Variants in ZNF292 observed in about 807,000 individuals in gnomAD.
The protein encoded by ZNF292 is 16 zinc-finger domain protein.
Under a neutral mutation model 217.9 loss-of-function variants are expected in ZNF292, and 26 were observed. The ratio of observed to expected loss-of-function variants is 0.12; its 90% CI spans 0.09 to 0.17. The LOEUF is 0.17. ZNF292 is among the 10% of genes least tolerant of loss of function. The pLI is 1.00. For synonymous variants in ZNF292, 1,257 were observed against 1,124.1 expected (o/e 1.12, Z -2.37); for missense variants, 2,904 against 3,175.2 (o/e 0.91, Z 2.05).
At chr6:87,223,806 T>C (rs935830646) in intron 4 of ZNF292, 1 of 152,240 alleles carries the variant, frequency 6.6e-6, no homozygotes, top group African/African-American at 2.4e-5. Context: ...CACTGTAATA[T>C]GCTCCAGGCT....
intron 1 of ZNF292, among the ~76,000 whole-genome samples, chr6:87,204,594 G>A (rs535072123): frequency 1.8e-4 from 18 of 101,216 alleles, no homozygotes; most frequent in African/African-American, 5.1e-4. Context: ...ACTAAGTCTC[G>A]CTCTTATCGC....
chr6:87,199,905 A>G (rs1188880275), intron 1 of ZNF292, among the ~76,000 whole-genome samples: 2 of 152,214 alleles, frequency 1.3e-5, no homozygotes, highest in African/African-American at 2.4e-5. Flanking sequence ...GTTTCCTACC[A>G]TTGTATTTCA....
At chr6:87,204,028 GACCATT>G (rs1182028166) in intron 1 of ZNF292, among the ~76,000 whole-genome samples, 6 of 152,122 alleles carry the variant, frequency 3.9e-5, no homozygotes, top group Non-Finnish European at 7.4e-5. Context: ...GAGAAGAAAT[GACCATT>G]ACTTCTGTGC....
intron 1 of ZNF292, among the ~76,000 whole-genome samples, chr6:87,161,952 A>C (rs542536606): frequency 4.6e-4 from 70 of 152,218 alleles, no homozygotes; most frequent in African/African-American, 1.7e-3. Flanking sequence ...CCCTCCCCCC[A>C]AAAGCATCTT....
intron 1 of ZNF292, among the ~76,000 whole-genome samples, chr6:87,211,065 A>G (rs1386549082): frequency 6.6e-6 from 1 of 152,180 alleles, no homozygotes; most frequent in African/African-American, 2.4e-5. Context: ...ACACACATAT[A>G]CTCACTAGTG....
intron 1 of ZNF292, among the ~76,000 whole-genome samples, chr6:87,156,200 T>C (rs564286697): frequency 1.1e-3 from 164 of 152,342 alleles, no homozygotes; most frequent in Non-Finnish European, 1.4e-3. Flanking sequence ...TTTGATTCCT[T>C]TGCCTTCCCC....
At chr6:87,250,109 C>T (rs1197196042) in intron 7 of ZNF292, among the ~76,000 whole-genome samples, 2 of 151,662 alleles carry the variant, frequency 1.3e-5, no homozygotes, top group East Asian at 1.9e-4. Flanking sequence ...ACAGTTGGCC[C>T]TCCATATTCA....
intron 1 of ZNF292, among the ~76,000 whole-genome samples, chr6:87,213,528 G>T (rs961640188): frequency 2.0e-5 from 3 of 152,106 alleles, no homozygotes; most frequent in Admixed American, 6.5e-5. Context: ...AAGAGCAGGG[G>T]GTATGAGCCA....
In ZNF292 at chr6:87,261,801, ATAAT is replaced by A. The variant is rs770233702; in HGVS notation, c.*5_*8del. On this transcript the variant is annotated 3_prime_UTR_variant, in exon 8 of 8. Transcript: ENST00000369577. ...AAGCCACAGGCAGAGGTCAGTACTG[ATAAT>A]TAATGTAGTATAAATACATCATTTA... is the stretch of plus-strand genomic sequence containing the variant. 4.9e-5 allele frequency: 77 copies of A among 1,582,504 alleles called. No individual in the cohort carries two copies. The highest frequency in any genetic ancestry group is 6.5e-5 in the Non-Finnish European group (75 of 1,161,354).
intron 4 of ZNF292, chr6:87,223,580 T>C (rs925768711): frequency 1.3e-5 from 2 of 152,248 alleles, no homozygotes; most frequent in African/African-American, 4.8e-5. Context: ...TATCTGGAAT[T>C]CTACACAGGA....
intron 4 of ZNF292, among the ~76,000 whole-genome samples, chr6:87,228,568 C>A (rs1208128569): frequency 6.6e-6 from 1 of 152,108 alleles, no homozygotes; most frequent in Non-Finnish European, 1.5e-5. Context: ...TTGGATTTTT[C>A]ATCTAAGTCT....
intron 7 of ZNF292, among the ~76,000 whole-genome samples, chr6:87,249,925 G>T (rs1774816688): frequency 6.6e-6 from 1 of 151,048 alleles, no homozygotes; most frequent in African/African-American, 2.4e-5. Flanking sequence ...TGCCAGGCTG[G>T]TCTCGAACTC....
chr6:87,250,364 A>T (rs1177414806), intron 7 of ZNF292, among the ~76,000 whole-genome samples: 1 of 152,002 alleles, frequency 6.6e-6, no homozygotes, highest in Non-Finnish European at 1.5e-5. Flanking sequence ...GGGAGGCAGA[A>T]ATTGCAGTGA....
rs562899352 is a variant in ZNF292 at position 87,212,671 on chromosome 6, A to T, written c.169-3232A>T. Among the ~76,000 whole-genome samples the T allele has an allele frequency of 1.5e-4, 23 of 152,322 alleles. No homozygotes were observed. The South Asian group carries it at 4.6e-3, about 30-fold the overall frequency. ...GTCATGAATCTTAACATCCCTTTTG[A>T]TTGAATGGTTGCATCATTGAATTCC... On this transcript the variant is annotated intron_variant, in intron 1 of 7. Coordinates refer to ENST00000369577, the MANE Select transcript of ZNF292 (RefSeq NM_015021.3).
chr6:87,165,182 A>G (rs1016309585), intron 1 of ZNF292, among the ~76,000 whole-genome samples: 13 of 152,134 alleles, frequency 8.5e-5, no homozygotes, highest in Non-Finnish European at 1.2e-4. Context: ...TCTTGTCCCA[A>G]TGAACTCGCT....
At chr6:87,188,975 C>T (rs1771744591) in intron 1 of ZNF292, among the ~76,000 whole-genome samples, 1 of 151,948 alleles carries the variant, frequency 6.6e-6, no homozygotes, top group Non-Finnish European at 1.5e-5. Context: ...GAGGCCGAGG[C>T]GGGCCGATCA....
At position 87,263,079 on chromosome 6, in the gene ZNF292, CAGTATT is replaced by C. The variant is rs1775684499; in HGVS notation, c.*1282_*1287del. On this transcript the variant is annotated 3_prime_UTR_variant, in exon 8 of 8. Coordinates refer to ENST00000369577, the MANE Select transcript of ZNF292 (RefSeq NM_015021.3). ...TTTTCATTAGATTGGTCTTCAAGAA[CAGTATT>C]AGTTATAATTATTTTGGTTATTCAG... The C allele has an allele frequency of 6.6e-6, 1 of 151,912 alleles. No individual in the cohort carries two copies. The highest frequency in any genetic ancestry group is 2.4e-5 in the African/African-American group (1 of 41,414). 9.4% of individuals were successfully genotyped at this position (151,912 alleles called of 1,614,324 possible).
intron 1 of ZNF292, among the ~76,000 whole-genome samples, chr6:87,157,689 T>G (rs1036464614): frequency 1.3e-5 from 2 of 152,236 alleles, no homozygotes; most frequent in African/African-American, 4.8e-5. Flanking sequence ...AGATTTTTAT[T>G]TATTTATTTA....
At chr6:87,163,865 T>A (rs1770830124) in intron 1 of ZNF292, among the ~76,000 whole-genome samples, 1 of 152,106 alleles carries the variant, frequency 6.6e-6, no homozygotes, top group Non-Finnish European at 1.5e-5. Flanking sequence ...AGTGATAGGA[T>A]TGAAAGGATA....
Sources: gnomAD v4.1 joint callset for allele counts (sites outside exome capture counted in the v4.1 genomes callset) on GRCh38, gnomAD v4.1.1 for gene constraint, MANE v1.5 for transcripts, NCBI Gene and HGNC (gene_info 2026-07-23, HGNC 2026-07-21) for gene names.